The following CACNB2 variants were observed in gnomAD, a reference collection of about 807,000 sequenced individuals.
CACNB2 encodes calcium voltage-gated channel auxiliary subunit beta 2.
CACNB2 carries 42 observed loss-of-function variants against 73.3 expected under a neutral mutation model. The ratio of observed to expected loss-of-function variants is 0.57; its 90% confidence interval spans 0.45 to 0.74. CACNB2 has a LOEUF of 0.74. Among genes scored for constraint, CACNB2 ranks in the 30% least tolerant of loss-of-function variants. CACNB2 has a pLI of 0.00. For synonymous variants in CACNB2, 348 were observed against 310.3 expected (o/e 1.12, Z -1.28); for missense variants, 940 against 853.0 (o/e 1.10, Z -1.27).
chr10:18,436,260 C>T (rs926422580), intron 3 of CACNB2, among the ~76,000 whole-genome samples: 5 of 152,140 alleles, frequency 3.3e-5, no homozygotes, highest in African/African-American at 1.2e-4. Context: ...AGTTTAGAAA[C>T]TTCTGTTTCA....
intron 3 of CACNB2, among the ~76,000 whole-genome samples, chr10:18,494,574 G>T (rs769757252): frequency 6.7e-6 from 1 of 150,240 alleles, no homozygotes; most frequent in African/African-American, 2.5e-5. Flanking sequence ...GGAGTTTGCA[G>T]TGAGCCGAGA....
intron 2 of CACNB2, among the ~76,000 whole-genome samples, chr10:18,201,514 A>G (rs923590709): frequency 2.0e-5 from 3 of 152,054 alleles, no homozygotes; most frequent in Admixed American, 2.0e-4. Context: ...ACCTCATGTG[A>G]TCCTCCCACC....
intron 2 of CACNB2, among the ~76,000 whole-genome samples, chr10:18,238,938 A>G (rs1779230): frequency 0.26 from 39,119 of 152,078 alleles, 5,922 homozygotes; most frequent in African/African-American, 0.42. Flanking sequence ...GAAGTCACGA[A>G]TTTGCTTTTT....
intron 2 of CACNB2, among the ~76,000 whole-genome samples, chr10:18,358,974 T>G (rs1278690573): frequency 1.3e-5 from 2 of 152,224 alleles, no homozygotes; most frequent in African/African-American, 4.8e-5. Flanking sequence ...ATCTTTTTTA[T>G]GTAGCAGTTT....
chr10:18,466,910 T>G (rs1319199618), intron 3 of CACNB2, among the ~76,000 whole-genome samples: 2 of 152,168 alleles, frequency 1.3e-5, no homozygotes, highest in Non-Finnish European at 2.9e-5. Context: ...ATCCCAGCAC[T>G]TTGGGAGGCC....
rs1255916675 is a variant in CACNB2 at position 18,543,494 on chromosome 10, ACTT to A, written c.*3776_*3778del. On this transcript the variant is annotated 3_prime_UTR_variant, in exon 14 of 14. Coordinates refer to ENST00000324631, the MANE Select transcript of CACNB2 (RefSeq NM_201596.3). ...AATGTACTCACTGTTGAACTTAAGT[ACTT>A]CTTCTGTTTCATAGAAATGTTAATA... The A allele has an allele frequency of 2.0e-5, 3 of 152,188 alleles. No individual in the cohort carries two copies. Among genetic ancestry groups the A allele is most frequent in the African/African-American group, 4.8e-5 (2 of 41,454 alleles). 9.4% of individuals were successfully genotyped at this position (152,188 alleles called of 1,614,324 possible).
intron 2 of CACNB2, among the ~76,000 whole-genome samples, chr10:18,302,828 C>T (rs1314710868): frequency 1.3e-5 from 2 of 152,104 alleles, no homozygotes; most frequent in Non-Finnish European, 2.9e-5. Context: ...TAACCGAACA[C>T]CACCTGTTCC....
chr10:18,165,881 TA>T (rs1222009584), intron 2 of CACNB2, among the ~76,000 whole-genome samples: 1 of 152,186 alleles, frequency 6.6e-6, no homozygotes, highest in Non-Finnish European at 1.5e-5. Context: ...CAACTGACGT[TA>T]GATTGACCAT....
At chr10:18,461,846 T>A (rs2047597660) in intron 3 of CACNB2, among the ~76,000 whole-genome samples, 1 of 141,580 alleles carries the variant, frequency 7.1e-6, no homozygotes, top group Non-Finnish European at 1.5e-5. Flanking sequence ...GAAATGCCAG[T>A]GGCTTCCAAT....
intron 4 of CACNB2, chr10:18,498,847 A>G (rs1301304745): frequency 3.8e-6 from 1 of 260,100 alleles, no homozygotes; most frequent in East Asian, 1.1e-4. Context: ...TTTAATAATA[A>G]TATCTAGAAT....
chr10:18,293,865 T>C (rs1057046893), intron 2 of CACNB2, among the ~76,000 whole-genome samples: 2 of 152,248 alleles, frequency 1.3e-5, no homozygotes, highest in African/African-American at 4.8e-5. Context: ...AGTTTGACTT[T>C]AGGGCATAGA....
chr10:18,306,981 T>C (rs780714428), intron 2 of CACNB2, among the ~76,000 whole-genome samples: 2 of 152,100 alleles, frequency 1.3e-5, no homozygotes, highest in Non-Finnish European at 2.9e-5. Flanking sequence ...GTAAGGATGA[T>C]GTCTGTCAGT....
At chr10:18,140,909 C>A (rs2030314955) in intron 1 of CACNB2, 53 bp downstream of exon 1, 1 of 1,555,550 alleles carries the variant, frequency 6.4e-7, no homozygotes, top group Non-Finnish European at 8.7e-7. Flanking sequence ...GGGCAGGGCA[C>A]CGACCTCGGG....
intron 12 of CACNB2, 78 bp downstream of exon 12, chr10:18,536,274 G>GTTTTTTTTTTTTTTTT (rs1564670696): frequency 1.7e-5 from 1 of 59,408 alleles, no homozygotes; most frequent in Non-Finnish European, 2.5e-5. Flanking sequence ...TTTTTTTTTT[G>GTTTTTTTTTTTTTTTT]GGGGACAAGG....
intron 2 of CACNB2, among the ~76,000 whole-genome samples, chr10:18,381,019 C>G (rs2042993734): frequency 1.3e-5 from 2 of 151,784 alleles, no homozygotes; most frequent in South Asian, 4.2e-4. Flanking sequence ...AAAACACCAC[C>G]AGGAGCCCCT....
In CACNB2 at chr10:18,179,648, T is replaced by C. The variant is rs932084174; in HGVS notation, c.213+28673T>C. Among the ~76,000 whole-genome samples, 19 of 152,272 alleles carry C rather than the reference T, an allele frequency of 1.2e-4. No homozygotes were observed. In the South Asian group the frequency reaches 2.1e-3, roughly 17 times the overall value. ...AGGGATTTCTTCCAAGTGCTTAATT[T>C]AGCACTGTGTGCTTTAGTTTGGTGT... is the stretch of plus-strand genomic sequence containing the variant. On this transcript the variant is annotated intron_variant, in intron 2 of 13. Coordinates refer to ENST00000324631, the MANE Select transcript of CACNB2 (RefSeq NM_201596.3).
At chr10:18,280,557 G>T (rs530878205) in intron 2 of CACNB2, among the ~76,000 whole-genome samples, 21 of 152,090 alleles carry the variant, frequency 1.4e-4, no homozygotes, top group Non-Finnish European at 2.9e-4. Flanking sequence ...ACCCTCACAG[G>T]GAGCATGTAG....
At chr10:18,462,148 T>A (rs1167623995) in intron 3 of CACNB2, among the ~76,000 whole-genome samples, 1 of 152,198 alleles carries the variant, frequency 6.6e-6, no homozygotes. Context: ...CTTTGTAAAA[T>A]GTCCAAGGAT....
chr10:18,345,180 T>C (rs2041398416), intron 2 of CACNB2, among the ~76,000 whole-genome samples: 1 of 152,350 alleles, frequency 6.6e-6, no homozygotes, highest in Middle Eastern at 3.4e-3. Flanking sequence ...AGATAAATTA[T>C]CAGATGTGGA....
Sources: gnomAD v4.1 joint callset for allele counts (sites outside exome capture counted in the v4.1 genomes callset) on GRCh38, gnomAD v4.1.1 for gene constraint, MANE v1.5 for transcripts, NCBI Gene and HGNC (gene_info 2026-07-23, HGNC 2026-07-21) for gene names.